XG: variants seen among roughly 807,000 people sequenced by gnomAD.
XG encodes Xg glycoprotein (Xg blood group).
In XG, 24 loss-of-function variants were observed where a neutral mutation model predicts 25.7. That is an observed-to-expected ratio of 0.93 (90% CI 0.68 to 1.31). The LOEUF is 1.31. Ranked by LOEUF, XG falls within the 40% of genes most tolerant of loss-of-function variation. The pLI is 0.00. For missense variants in XG, 181 were observed against 187.6 expected (o/e 0.96, Z 0.21); for synonymous variants, 77 against 69.2 (o/e 1.11, Z -0.56).
intron 7 of XG, among the ~76,000 whole-genome samples, chrX:2,805,657 C>T (rs1158255830): frequency 1.8e-5 from 2 of 110,803 alleles, no homozygotes; most frequent in African/African-American, 6.6e-5. Flanking sequence ...CCTCCTGAGG[C>T]CTCCCTCCTT....
intron 3 of XG, among the ~76,000 whole-genome samples, chrX:2,776,550 G>C (rs918754169): frequency 2.0e-5 from 3 of 152,020 alleles, no homozygotes; most frequent in Non-Finnish European, 2.9e-5. Flanking sequence ...GGTGGAGTCT[G>C]GCTGGCTCTC....
intron 3 of XG, among the ~76,000 whole-genome samples, chrX:2,775,798 A>G (rs2050968533): frequency 6.6e-6 from 1 of 151,708 alleles, no homozygotes; most frequent in Non-Finnish European, 1.5e-5. Flanking sequence ...TCTACTAAAT[A>G]TAAAAAAATT....
At chrX:2,801,343 GAGAA>G (rs1287636343) in intron 7 of XG, among the ~76,000 whole-genome samples, 3 of 109,050 alleles carry the variant, frequency 2.8e-5, no homozygotes, top group South Asian at 3.9e-4. Context: ...GAGGGAGAGA[GAGAA>G]AGAGAGAGAG....
chrX:2,773,970 CCTT>C (rs1371690117), intron 2 of XG, among the ~76,000 whole-genome samples: 2 of 152,096 alleles, frequency 1.3e-5, no homozygotes, highest in African/African-American at 4.8e-5. Context: ...TTCAAGCTCT[CCTT>C]CTTGCAGTCT....
At chrX:2,788,365 C>T (rs917453119) in intron 4 of XG, among the ~76,000 whole-genome samples, 6 of 112,411 alleles carry the variant, frequency 5.3e-5, no homozygotes, top group Non-Finnish European at 1.1e-4. Flanking sequence ...AGACTCATGT[C>T]GTGCAAAGAG....
chrX:2,810,054 T>C (rs2087039421), intron 9 of XG, among the ~76,000 whole-genome samples: 1 of 111,657 alleles, frequency 9.0e-6, no homozygotes, highest in South Asian at 3.8e-4. Context: ...GAGGGCTGTC[T>C]CTCCCAGGAG....
intron 1 of XG, among the ~76,000 whole-genome samples, chrX:2,763,007 A>G (rs2050598662): frequency 6.6e-6 from 1 of 152,170 alleles, no homozygotes; most frequent in African/African-American, 2.4e-5. Flanking sequence ...GTTTCCTGTA[A>G]AGACTAAAGA....
At chrX:2,767,633 C>T (rs2050729340) in intron 1 of XG, among the ~76,000 whole-genome samples, 1 of 152,136 alleles carries the variant, frequency 6.6e-6, no homozygotes, top group African/African-American at 2.4e-5. Flanking sequence ...GCGTTGTCTA[C>T]CTGGGACATC....
chrX:2,768,277 G>T (rs1432885932), intron 1 of XG, among the ~76,000 whole-genome samples: 1 of 152,166 alleles, frequency 6.6e-6, no homozygotes, highest in Non-Finnish European at 1.5e-5. Context: ...AAAGATATTG[G>T]TCAACGGCGA....
At chrX:2,809,312 T>A (rs1569041298) in intron 9 of XG, among the ~76,000 whole-genome samples, 2 of 111,531 alleles carry the variant, frequency 1.8e-5, no homozygotes, top group Non-Finnish European at 3.8e-5. Context: ...CTGCACTTCA[T>A]AGAACCTTCA....
intron 1 of XG, among the ~76,000 whole-genome samples, chrX:2,753,789 G>T (rs1382246174): frequency 1.3e-5 from 2 of 152,022 alleles, no homozygotes; most frequent in Admixed American, 1.3e-4. Context: ...CACCATGTTG[G>T]CCAGGCTGGT....
At chrX:2,769,994 C>A (rs2050777421) in intron 1 of XG, among the ~76,000 whole-genome samples, 2 of 144,858 alleles carry the variant, frequency 1.4e-5, no homozygotes, top group African/African-American at 2.6e-5. Context: ...CAGCCCCTCT[C>A]AACCTAGACT....
intron 1 of XG, among the ~76,000 whole-genome samples, chrX:2,757,998 G>GA (rs1330082010): frequency 2.8e-4 from 38 of 133,494 alleles, no homozygotes; most frequent in African/African-American, 1.0e-3. Flanking sequence ...AAAAAAAAAG[G>GA]AAAAAAAAGT....
chrX:2,782,592 G>T lies in XG; in HGVS notation c.190+464G>T, dbSNP rs148775111. Among the ~76,000 whole-genome samples, 543 of 111,411 alleles carry T rather than the reference G, an allele frequency of 4.9e-3. 5 individuals carry two copies. The highest frequency in any genetic ancestry group is 7.6e-3 in the Non-Finnish European group (405 of 53,017). On this transcript the variant is annotated intron_variant, in intron 4 of 10. Coordinates refer to ENST00000644266, the MANE Select transcript of XG (RefSeq NM_001141919.2). ...CGGTCAGGTTGGAAAGGGAACCATA[G>T]GGGGTTGAAGTGAGGTTTTCTTGCT...
intron 5 of XG, among the ~76,000 whole-genome samples, chrX:2,793,146 C>T (rs149942130): frequency 0.02 from 2,233 of 111,062 alleles, 64 homozygotes; most frequent in African/African-American, 0.069. Context: ...TCAAGCAATC[C>T]TCCCGCCTCC....
intron 7 of XG, among the ~76,000 whole-genome samples, chrX:2,802,803 C>T (rs981432111): frequency 9.0e-6 from 1 of 110,817 alleles, no homozygotes; most frequent in African/African-American, 3.3e-5. Context: ...TGCATGGCTC[C>T]TAACCTATTA....
intron 2 of XG, among the ~76,000 whole-genome samples, chrX:2,773,348 A>G (rs1459731608): frequency 6.7e-6 from 1 of 149,096 alleles, no homozygotes; most frequent in Non-Finnish European, 1.5e-5. Context: ...AAATAGGAGA[A>G]GAAAGGAAGA....
rs532612722 is a variant in XG, at chrX:2,798,746, T to C, written c.373+1386T>C. On this transcript the variant is annotated intron_variant, in intron 7 of 10. Coordinates refer to ENST00000644266, the MANE Select transcript of XG (RefSeq NM_001141919.2). ...GTCTTGAACTCCTGACCTCAGGTGA[T>C]CCGCCCTCTTCAGCCTCCCATAGTG... Among the ~76,000 whole-genome samples, 26 of 111,416 alleles carry C rather than the reference T, an allele frequency of 2.3e-4. No individual in the cohort carries two copies. The South Asian group carries it at 9.6e-3, about 41-fold the overall frequency.
rs766240366 is a variant in XG at position 2,766,713 on chromosome X, C to T, written c.62-3837C>T. Among the ~76,000 whole-genome samples, 65 of 150,832 alleles carry T rather than the reference C, an allele frequency of 4.3e-4. No individual in the cohort carries two copies. The East Asian group carries it at 4.7e-3, about 11-fold the overall frequency. The stretch of plus-strand genomic sequence containing the variant: ...CCGAGTAGCTGGGACTACAGGCGCC[C>T]GCCACCACACCCGGCTAATTTTTTT... On this transcript the variant is annotated intron_variant, in intron 1 of 10. Coordinates refer to ENST00000644266, the MANE Select transcript of XG (RefSeq NM_001141919.2).
Sources: gnomAD v4.1 joint callset for allele counts (sites outside exome capture counted in the v4.1 genomes callset) on GRCh38, gnomAD v4.1.1 for gene constraint, MANE v1.5 for transcripts, NCBI Gene and HGNC (gene_info 2026-07-23, HGNC 2026-07-21) for gene names.